The following MYCBP2 variants were observed in gnomAD, a reference collection of about 807,000 sequenced individuals.
MYCBP2 encodes the protein E3 ubiquitin-protein ligase MYCBP2.
A neutral mutation model predicts 525.3 loss-of-function variants in MYCBP2; 120 were observed. The observed-to-expected ratio is 0.23, with a 90% CI of 0.20 to 0.27. The LOEUF (loss-of-function observed/expected upper bound fraction) is 0.27, where lower values mean the gene tolerates loss of function less well. Ranked by LOEUF, MYCBP2 falls within the 10% of genes least tolerant of loss-of-function variation. The pLI, the probability that MYCBP2 is intolerant of heterozygous loss-of-function variation, is 1.00. For missense variants in MYCBP2, 4,149 were observed against 5,657.1 expected (o/e 0.73, Z 8.55); for synonymous variants, 1,894 against 1,955.8 (o/e 0.97, Z 0.83).
chr13:77,302,503 T>A (rs1251852990), intron 1 of MYCBP2, among the ~76,000 whole-genome samples: 1 of 152,022 alleles, frequency 6.6e-6, no homozygotes, highest in African/African-American at 2.4e-5. Context: ...TGTTTTTAGA[T>A]CCATGAAAGC....
chr13:77,124,975 C>A (rs1378570912), intron 54 of MYCBP2, among the ~76,000 whole-genome samples: 1 of 152,118 alleles, frequency 6.6e-6, no homozygotes, highest in Non-Finnish European at 1.5e-5. Flanking sequence ...GGGAGAAGTA[C>A]TGAGATTGGT....
chr13:77,090,747 G>A (rs1285836805), intron 59 of MYCBP2: 2 of 152,206 alleles, frequency 1.3e-5, no homozygotes, highest in African/African-American at 4.8e-5. Context: ...CAAAGCCCTT[G>A]GAGGATGGCT....
intron 68 of MYCBP2, among the ~76,000 whole-genome samples, chr13:77,071,271 G>GCACACACA (rs71814048): frequency 0.15 from 22,013 of 142,556 alleles, 1,941 homozygotes; most frequent in Non-Finnish European, 0.21. Context: ...GTGTGCACAC[G>GCACACACA]CACACACACA....
chr13:77,059,492 A>G (rs765479915), intron 77 of MYCBP2, 31 bp downstream of exon 77: 1 of 1,497,612 alleles, frequency 6.7e-7, no homozygotes, highest in East Asian at 2.3e-5. Context: ...GAACATGGAC[A>G]ATGGGATGGC....
intron 24 of MYCBP2, among the ~76,000 whole-genome samples, chr13:77,206,000 G>C (rs1427816615): frequency 6.6e-6 from 1 of 151,982 alleles, no homozygotes; most frequent in African/African-American, 2.4e-5. Flanking sequence ...AATGAAATTT[G>C]AGAAAAAAGA....
intron 2 of MYCBP2, among the ~76,000 whole-genome samples, chr13:77,294,131 C>CACATATATATATATACAT (rs1555465826): frequency 1.5e-5 from 1 of 65,692 alleles, no homozygotes; most frequent in South Asian, 5.3e-4. Context: ...TATATATATA[C>CACATATATATATATACAT]ATATATATAT....
chr13:77,270,544 C>A lies in MYCBP2; in HGVS notation c.946-6G>T, dbSNP rs776646300. 1.3e-6 allele frequency: 2 copies of A among 1,580,258 alleles called. No individual in the cohort carries two copies. Among genetic ancestry groups the A allele is most frequent in the South Asian group, 1.2e-5 (1 of 86,476 alleles). ...GAATTTAGAATTGTTGGCACCTAAT[C>A]AAAAGAGAAGAAAAATAATGAAAAA... is the stretch of plus-strand genomic sequence containing the variant. On this transcript the variant is annotated splice_region_variant and splice_polypyrimidine_tract_variant and intron_variant, in intron 5 of 82. Transcript: ENST00000544440.
chr13:77,215,996 T>A (rs568976321), intron 21 of MYCBP2, among the ~76,000 whole-genome samples: 1 of 152,236 alleles, frequency 6.6e-6, no homozygotes, highest in African/African-American at 2.4e-5. Context: ...CTAATACTAT[T>A]CCCCACTAAA....
intron 1 of MYCBP2, among the ~76,000 whole-genome samples, chr13:77,306,229 A>C (rs755327424): frequency 1.2e-4 from 19 of 152,212 alleles, no homozygotes; most frequent in Non-Finnish European, 5.9e-5. Flanking sequence ...ATGTAAACTG[A>C]AGCTTTTCCA....
At chr13:77,306,992 T>C (rs1378047545) in intron 1 of MYCBP2, among the ~76,000 whole-genome samples, 1 of 151,790 alleles carries the variant, frequency 6.6e-6, no homozygotes, top group African/African-American at 2.4e-5. Flanking sequence ...AAAATCAAAC[T>C]AGACATGAAA....
chr13:77,171,706 C>T (rs1263752423), intron 37 of MYCBP2, 72 bp from the exon 38 acceptor site: 4 of 1,420,880 alleles, frequency 2.8e-6, no homozygotes, highest in Middle Eastern at 1.8e-4. Context: ...GAAATCATAT[C>T]TAGATCTGAG....
chr13:77,276,661 T>TG lies in MYCBP2; in HGVS notation c.748+2096dup, dbSNP rs1413256608. 4.8e-3 allele frequency among the ~76,000 whole-genome samples: 731 copies of TG among 151,708 alleles called. 4 individuals are homozygous for TG. Among genetic ancestry groups the TG allele is most frequent in the African/African-American group, 0.015 (624 of 41,374 alleles). On this transcript the variant is annotated intron_variant, in intron 4 of 82. Transcript: ENST00000544440. ...TATTTTTGGGTTTTGTGGGATTTTT[T>TG]GGGGGTTTTTTTTTTGGTAGAGATG...
chr13:77,089,493 T>C (rs1165202789), intron 60 of MYCBP2, among the ~76,000 whole-genome samples: 1 of 152,108 alleles, frequency 6.6e-6, no homozygotes, highest in Non-Finnish European at 1.5e-5. Flanking sequence ...CTGACTATAA[T>C]TTTTAGGCCA....
chr13:77,156,451 A>T (rs887320726), intron 45 of MYCBP2, among the ~76,000 whole-genome samples: 14 of 152,356 alleles, frequency 9.2e-5, no homozygotes, highest in African/African-American at 3.4e-4. Flanking sequence ...TACTTTTTAA[A>T]ACCAGGAAAC....
In MYCBP2 at chr13:77,267,872, T is replaced by G. The variant is rs747640516; in HGVS notation, c.1326A>C (p.Thr442=). Residue 442 remains threonine, a synonymous_variant, in exon 8 of 83, where the codon ACA becomes ACC. Coordinates refer to ENST00000544440, the MANE Select transcript of MYCBP2 (RefSeq NM_015057.5). ...SMTAIRISPE[T]LEQDGTVMLP... ...ACATCACAGTACCATCTTGCTCCAGTGTTTCAGGGCTTATCCTTATGGCTG... is the reference window on the plus strand; with the variant it reads ...ACATCACAGTACCATCTTGCTCCAGGGTTTCAGGGCTTATCCTTATGGCTG... The G allele has an allele frequency of 1.2e-6, 2 of 1,613,918 alleles. No individual in the cohort carries two copies. The highest frequency in any genetic ancestry group is 1.7e-6 in the Non-Finnish European group (2 of 1,179,896).
chr13:77,207,632 T>C (rs2063504646), intron 23 of MYCBP2, among the ~76,000 whole-genome samples: 1 of 152,226 alleles, frequency 6.6e-6, no homozygotes, highest in Non-Finnish European at 1.5e-5. Context: ...AAATTTTAAA[T>C]TATTTTTAAA....
At chr13:77,238,501 A>G (rs1316914819) in intron 17 of MYCBP2, among the ~76,000 whole-genome samples, 1 of 152,208 alleles carries the variant, frequency 6.6e-6, no homozygotes, top group Non-Finnish European at 1.5e-5. Flanking sequence ...AGCCCTACTT[A>G]AGAATTTCAC....
intron 58 of MYCBP2, among the ~76,000 whole-genome samples, chr13:77,094,312 A>G (rs2045905408): frequency 1.3e-5 from 2 of 152,182 alleles, no homozygotes. Context: ...ATGATGTGTG[A>G]AAGTACAGGC....
intron 82 of MYCBP2, among the ~76,000 whole-genome samples, chr13:77,050,213 TA>T (rs1407819885): frequency 6.6e-6 from 1 of 152,206 alleles, no homozygotes; most frequent in Admixed American, 6.5e-5. Context: ...GAGGCACTAT[TA>T]AGCTGTTTTC....
Sources: gnomAD v4.1 joint callset for allele counts (sites outside exome capture counted in the v4.1 genomes callset) on GRCh38, gnomAD v4.1.1 for gene constraint, MANE v1.5 for transcripts, NCBI Gene and HGNC (gene_info 2026-07-23, HGNC 2026-07-21) for gene names.